Variants in OGFRL1 observed in about 807,000 individuals in gnomAD.
The protein encoded by OGFRL1 is opioid growth factor receptor-like protein 1.
Under a neutral mutation model 32.4 loss-of-function variants are expected in OGFRL1, and 26 were observed. That is an observed-to-expected ratio of 0.80 (90% CI 0.59 to 1.11). OGFRL1 has a LOEUF of 1.11. OGFRL1 is among the 50% of genes most tolerant of loss of function. The pLI, the probability that OGFRL1 is intolerant of heterozygous loss-of-function variation, is 0.00. For synonymous variants in OGFRL1, 211 were observed against 201.2 expected (o/e 1.05, Z -0.41); for missense variants, 521 against 546.4 (o/e 0.95, Z 0.46).
Position 71,296,757 on chromosome 6 carries a change from A to G in OGFRL1, c.632A>G (p.Asp211Gly), listed in dbSNP as rs1226425121. ...MLEFFGIKLT[D>G]KTGNVARAVN... ...GAATTTTTTGGAATAAAACTGACTGATAAAACTGGAAATGTTGCTCGGGCT... is the reference window on the plus strand; with the variant it reads ...GAATTTTTTGGAATAAAACTGACTGGTAAAACTGGAAATGTTGCTCGGGCT... The change falls in exon 6 of 7, where the codon GAT (aspartate) becomes GGT (glycine). Residue 211 changes from aspartate (D) to glycine (G), a missense_variant. Coordinates refer to ENST00000370435, the MANE Select transcript of OGFRL1 (RefSeq NM_024576.5). The G allele has an allele frequency of 1.9e-6, 3 of 1,613,606 alleles. No individual in the cohort carries two copies. Among genetic ancestry groups the G allele is most frequent in the African/African-American group, 1.3e-5 (1 of 74,902 alleles).
At chr6:71,297,295 C>A (rs1766241572) in intron 6 of OGFRL1, among the ~76,000 whole-genome samples, 1 of 151,954 alleles carries the variant, frequency 6.6e-6, no homozygotes, top group Non-Finnish European at 1.5e-5. Context: ...ATAGTTTTTA[C>A]TAAAAGAGAG....
Position 71,302,254 on chromosome 6 carries a change from A to G in OGFRL1, c.*205A>G, listed in dbSNP as rs1766422819. The G allele has an allele frequency of 2.5e-6, 1 of 404,832 alleles. No homozygotes were observed. 25.1% of individuals were successfully genotyped at this position (404,832 alleles called of 1,614,324 possible). A position where few individuals can be genotyped will look rare whatever the true frequency, so the allele number is the denominator to read the frequency against. On this transcript the variant is annotated 3_prime_UTR_variant, in exon 7 of 7. Transcript: ENST00000370435. The stretch of plus-strand genomic sequence containing the variant: ...GGAGATTTAAGATAAGACCCAATAA[A>G]TGAATGTATTCTGTAATGCTTTTAG...
intron 1 of OGFRL1, among the ~76,000 whole-genome samples, chr6:71,292,260 G>A (rs533325706): frequency 3.3e-5 from 5 of 152,282 alleles, no homozygotes; most frequent in South Asian, 4.1e-4. Context: ...ACATGACAGC[G>A]TAACTAATGT....
Position 71,296,316 on chromosome 6 carries a change from G to GGT in OGFRL1, c.403_404dup (p.Tyr136PhefsTer7). The GGT allele has an allele frequency of 1.3e-6, 2 of 1,569,948 alleles. No individual in the cohort carries two copies. The stretch of plus-strand genomic sequence containing the variant: ...TTCATTTTTAAATATTTACTATTTA[G>GGT]GTGTTTACATTGAAGAAGTTCTAAG... On this transcript the variant is annotated frameshift_variant and splice_region_variant. Transcript: ENST00000370435. LOFTEE classifies it high-confidence loss of function.
Position 71,301,500 on chromosome 6 carries a change from G to A in OGFRL1, c.807G>A (p.Glu269=). ...TTATTCTTCATGAAGCTCTTGTGGAGAATACTATTCCCAATATTAAGCAGA... is the reference window on the plus strand; with the variant it reads ...TTATTCTTCATGAAGCTCTTGTGGAAAATACTATTCCCAATATTAAGCAGA... ...VKFILHEALV[E]NTIPNIKQSA... is the part of the protein sequence containing the mutation. Residue 269 remains glutamate, a synonymous_variant, in exon 7 of 7, where the codon GAG becomes GAA. Transcript: ENST00000370435. The A allele has an allele frequency of 6.2e-7, 1 of 1,613,928 alleles. No homozygotes were observed. The highest frequency in any genetic ancestry group is 8.5e-7 in the Non-Finnish European group (1 of 1,179,960).
In OGFRL1 at chr6:71,296,882, T is replaced by C. The variant is rs145717730; in HGVS notation, c.692+65T>C. 1.3e-3 allele frequency: 2,057 copies of C among 1,537,168 alleles called. 19 individuals carry two copies. The African/African-American group carries it at 0.026, about 19-fold the overall frequency. On this transcript the variant is annotated intron_variant, in intron 6 of 6. Transcript: ENST00000370435. ...TTATTTTCCCTTGGTCAGAGTTCTC[T>C]ATGAAACGCAGGAACAACTAGCAGA...
Position 71,289,187 on chromosome 6 carries a change from T to C in OGFRL1, c.234+17T>C. ...GCCGAGCAGGTACGCGGCCCAGCGG[T>C]GGCCTCGGGTCGGGCTGGGGCGCCC... is the stretch of plus-strand genomic sequence containing the variant. On this transcript the variant is annotated intron_variant, in intron 1 of 6. Coordinates refer to ENST00000370435, the MANE Select transcript of OGFRL1 (RefSeq NM_024576.5). 4.7e-6 allele frequency: 5 copies of C among 1,068,092 alleles called. No homozygotes were observed. The highest frequency in any genetic ancestry group is 5.6e-6 in the Non-Finnish European group (5 of 885,480). 66.2% of individuals were successfully genotyped at this position (1,068,092 alleles called of 1,614,324 possible).
chr6:71,294,251 C>G (rs960437506), intron 3 of OGFRL1, among the ~76,000 whole-genome samples: 2 of 152,012 alleles, frequency 1.3e-5, no homozygotes, highest in African/African-American at 4.8e-5. Context: ...GTAATATGAC[C>G]ACAACATTGC....
chr6:71,306,416 A>G lies in OGFRL1; in HGVS notation c.*4367A>G, dbSNP rs999570762. 6.6e-6 allele frequency: 1 copy of G among 152,192 alleles called. No individual in the cohort carries two copies. Among genetic ancestry groups the G allele is most frequent in the Non-Finnish European group, 1.5e-5 (1 of 68,036 alleles). 9.4% of individuals were successfully genotyped at this position (152,192 alleles called of 1,614,324 possible). ...GTTCAGGGACAGAATGTGTTTTTAG[A>G]AATCCCTTATTATTGAAATGAATAA... On this transcript the variant is annotated 3_prime_UTR_variant, in exon 7 of 7. Coordinates refer to ENST00000370435, the MANE Select transcript of OGFRL1 (RefSeq NM_024576.5).
chr6:71,298,345 A>C (rs1345432352), intron 6 of OGFRL1, among the ~76,000 whole-genome samples: 1 of 152,114 alleles, frequency 6.6e-6, no homozygotes, highest in Non-Finnish European at 1.5e-5. Context: ...CAATAGTAAC[A>C]GTAAATCTTT....
At chr6:71,301,318 T>G in intron 6 of OGFRL1, 68 bp from the exon 7 acceptor site, 3 of 1,293,622 alleles carry the variant, frequency 2.3e-6, no homozygotes, top group Non-Finnish European at 3.2e-6. Context: ...ATTTTCCCAA[T>G]AGTTTTCATT....
In OGFRL1 at chr6:71,308,785, TAG is replaced by T. The variant is rs1225958939; in HGVS notation, c.*6739_*6740del. 4 of 152,208 alleles carry T rather than the reference TAG, an allele frequency of 2.6e-5. No individual in the cohort carries two copies. Among genetic ancestry groups the T allele is most frequent in the East Asian group, 1.9e-4 (1 of 5,202 alleles). 9.4% of individuals were successfully genotyped at this position (152,208 alleles called of 1,614,324 possible). A position where few individuals can be genotyped will look rare whatever the true frequency, so the allele number is the denominator to read the frequency against. On this transcript the variant is annotated 3_prime_UTR_variant, in exon 7 of 7. Transcript: ENST00000370435. Reference sequence around the variant, plus strand: ...TTTTAAAATATTGTTTCTAAAATAATAGAGTTAGAGTTCCTTTTGAGTAATTA... The same window carrying T: ...TTTTAAAATATTGTTTCTAAAATAATAGTTAGAGTTCCTTTTGAGTAATTA...
At chr6:71,299,014 A>C (rs1766302816) in intron 6 of OGFRL1, among the ~76,000 whole-genome samples, 1 of 152,218 alleles carries the variant, frequency 6.6e-6, no homozygotes, top group African/African-American at 2.4e-5. Context: ...TGACTAAAAG[A>C]GGCAAAATAT....
At position 71,307,888 on chromosome 6, in the gene OGFRL1, C is replaced by T. The variant is rs1299660629; in HGVS notation, c.*5839C>T. 1 of 152,182 alleles carries T rather than the reference C, an allele frequency of 6.6e-6. No homozygotes were observed. Among genetic ancestry groups the T allele is most frequent in the Non-Finnish European group, 1.5e-5 (1 of 68,034 alleles). The allele number at this position is 152,182 out of a possible 1,614,324, so 9.4% of individuals were successfully genotyped here. A position where few individuals can be genotyped will look rare whatever the true frequency, so the allele number is the denominator to read the frequency against. ...AGGAAACTCACCACAGAAATAAAGA[C>T]ATAACCCTTGATAAGTTTGTGTAAG... On this transcript the variant is annotated 3_prime_UTR_variant, in exon 7 of 7. Transcript: ENST00000370435.
rs1050676766 is a variant in OGFRL1 at position 71,303,866 on chromosome 6, A to C, written c.*1817A>C. 1.3e-5 allele frequency: 2 copies of C among 152,314 alleles called. No homozygotes were observed. The highest frequency in any genetic ancestry group is 4.8e-5 in the African/African-American group (2 of 41,598). The allele number at this position is 152,314 out of a possible 1,614,324, so 9.4% of individuals were successfully genotyped here. A position where few individuals can be genotyped will look rare whatever the true frequency, so the allele number is the denominator to read the frequency against. ...AACACTGTGATAAGAACTTCAAAGC[A>C]TATATACAAATATAGTTAAAGCAAT... On this transcript the variant is annotated 3_prime_UTR_variant, in exon 7 of 7. Coordinates refer to ENST00000370435, the MANE Select transcript of OGFRL1 (RefSeq NM_024576.5).
intron 1 of OGFRL1, among the ~76,000 whole-genome samples, chr6:71,292,510 G>A (rs1766081633): frequency 6.6e-6 from 1 of 152,102 alleles, no homozygotes; most frequent in South Asian, 2.1e-4. Context: ...AGTACATATA[G>A]GGAATGCAAA....
rs1373996206 is a variant in OGFRL1, at chr6:71,304,392, T to C, written c.*2343T>C. The stretch of plus-strand genomic sequence containing the variant: ...CTCCGTAGAGCTCAGTAAATAGTTC[T>C]ACAGGGTTTAGAGGATGAGAAGCGA... On this transcript the variant is annotated 3_prime_UTR_variant, in exon 7 of 7. Transcript: ENST00000370435. 6.6e-6 allele frequency: 1 copy of C among 152,152 alleles called. No homozygotes were observed. Among genetic ancestry groups the C allele is most frequent in the Non-Finnish European group, 1.5e-5 (1 of 67,984 alleles). 9.4% of individuals were successfully genotyped at this position (152,152 alleles called of 1,614,324 possible). A position where few individuals can be genotyped will look rare whatever the true frequency, so the allele number is the denominator to read the frequency against.
intron 1 of OGFRL1, chr6:71,291,764 A>C (rs997702761): frequency 6.6e-6 from 1 of 152,224 alleles, no homozygotes; most frequent in African/African-American, 2.4e-5. Context: ...GATTTGCTTA[A>C]GGCCTCACAA....
rs976488293 is a variant in OGFRL1 at position 71,305,404 on chromosome 6, C to T, written c.*3355C>T. ...TTGTACCATTATACATTTTCATTCT[C>T]GATCTCATAAGAAATTCAAAAGAAT... On this transcript the variant is annotated 3_prime_UTR_variant, in exon 7 of 7. Transcript: ENST00000370435. 5.9e-5 allele frequency: 9 copies of T among 151,856 alleles called. No individual in the cohort carries two copies. Among genetic ancestry groups the T allele is most frequent in the Non-Finnish European group, 8.8e-5 (6 of 67,886 alleles). 9.4% of individuals were successfully genotyped at this position (151,856 alleles called of 1,614,324 possible).
Sources: gnomAD v4.1 joint callset for allele counts (sites outside exome capture counted in the v4.1 genomes callset) on GRCh38, gnomAD v4.1.1 for gene constraint, MANE v1.5 for transcripts, NCBI Gene and HGNC (gene_info 2026-07-23, HGNC 2026-07-21) for gene names.